Variants in APEX1 observed in about 807,000 individuals in gnomAD.
The protein encoded by APEX1 is DNA repair nuclease/redox regulator APEX1.
In APEX1, 32 loss-of-function variants were observed where a neutral mutation model predicts 33.2. That is an observed-to-expected ratio of 0.96 (90% CI 0.73 to 1.29). The LOEUF is 1.29. APEX1 is among the 50% of genes most tolerant of loss of function. APEX1 has a pLI of 0.00. For synonymous variants in APEX1, 175 were observed against 156.6 expected, an observed-to-expected ratio of 1.12 and a Z score of -0.88; for missense variants, 442 against 395.6, an observed-to-expected ratio of 1.12 and a Z score of -0.99.
chr14:20,456,243 A>C (rs191119659), intron 3 of APEX1, 142 bp downstream of exon 3: 1 of 944,660 alleles, frequency 1.1e-6, no homozygotes, highest in African/African-American at 1.7e-5. Flanking sequence ...CAGTCTTGCC[A>C]GTTGTATTTC....
Position 20,456,782 on chromosome 14 carries a change from G to T in APEX1, c.361G>T (p.Ala121Ser), listed in dbSNP as rs371585266. 1.9e-6 allele frequency: 3 copies of T among 1,614,216 alleles called. No individual in the cohort carries two copies. Among genetic ancestry groups the T allele is most frequent in the African/African-American group, 2.7e-5 (2 of 75,060 alleles). Residue 121 changes from alanine to serine, a missense_variant, in exon 4 of 5, where the codon GCT becomes TCT. Coordinates refer to ENST00000216714, the MANE Select transcript of APEX1 (RefSeq NM_001641.4). ...TGGACTCTCTCATCAATACTGGTCA[G>T]CTCCTTCGGACAAGGAAGGGTACAG... is the stretch of plus-strand genomic sequence containing the variant. The part of the protein sequence containing the change: ...LPGLSHQYWS[A>S]PSDKEGYSGV...
At position 20,457,568 on chromosome 14, in the gene APEX1, T is replaced by G; in HGVS notation, c.*60T>G. 1.9e-6 allele frequency: 3 copies of G among 1,573,042 alleles called. No individual in the cohort carries two copies. In the South Asian group the frequency reaches 3.3e-5, roughly 17 times the overall value. ...AGCCCCCTCAACTACCATTCCTTCT[T>G]TAAACACTCTTCAGAGAAATCTGCA... is the stretch of plus-strand genomic sequence containing the variant. On this transcript the variant is annotated 3_prime_UTR_variant, in exon 5 of 5. Coordinates refer to ENST00000216714, the MANE Select transcript of APEX1 (RefSeq NM_001641.4).
At position 20,456,943 on chromosome 14, in the gene APEX1, T is replaced by C. The variant is rs146899551; in HGVS notation, c.440-48T>C. ...ATCTCTGCCCCACCTCTTGATTGCT[T>C]TCCCTTTTCTTATAGTTTTTTATGC... On this transcript the variant is annotated intron_variant, in intron 4 of 4. Coordinates refer to ENST00000216714, the MANE Select transcript of APEX1 (RefSeq NM_001641.4). The C allele has an allele frequency of 1.3e-5, 21 of 1,605,336 alleles. No homozygotes were observed. The African/African-American group carries it at 2.5e-4, about 19-fold the overall frequency.
In APEX1 at chr14:20,457,461, G is replaced by C; in HGVS notation, c.910G>C (p.Ala304Pro). 1 of 1,614,126 alleles carries C rather than the reference G, an allele frequency of 6.2e-7. No individual in the cohort carries two copies. Among genetic ancestry groups the C allele is most frequent in the African/African-American group, 1.3e-5 (1 of 75,020 alleles). ...ALCDSKIRSK[A>P]LGSDHCPITL... is the part of the protein sequence containing the mutation. ...GTGTGACAGCAAGATCCGTTCCAAGGCCCTCGGCAGTGATCACTGTCCTAT... is the reference window on the plus strand; with the variant it reads ...GTGTGACAGCAAGATCCGTTCCAAGCCCCTCGGCAGTGATCACTGTCCTAT... Residue 304 changes from alanine to proline, a missense_variant, in exon 5 of 5, where the codon GCC (alanine) becomes CCC (proline). Transcript: ENST00000216714.
chr14:20,456,858 T>C lies in APEX1; in HGVS notation c.437T>C (p.Ile146Thr). 2 of 1,613,826 alleles carry C rather than the reference T, an allele frequency of 1.2e-6. No homozygotes were observed. Among genetic ancestry groups the C allele is most frequent in the South Asian group, 1.1e-5 (1 of 91,012 alleles). The change falls in exon 4 of 5, where the codon ATA (isoleucine) becomes ACA (threonine). Residue 146 changes from isoleucine to threonine, a missense_variant and splice_region_variant. Ile to Thr is a moderately conservative substitution (Grantham distance 89). Coordinates refer to ENST00000216714, the MANE Select transcript of APEX1 (RefSeq NM_001641.4). The stretch of plus-strand genomic sequence containing the variant: ...TGCCCACTCAAAGTTTCTTACGGCA[T>C]AGGTGAGACCCTATTGATGCCTAAT... ...RQCPLKVSYG[I>T]GDEEHDQEGR...
chr14:20,455,999 C>A lies in APEX1; in HGVS notation c.144C>A (p.Pro48=). The A allele has an allele frequency of 6.2e-7, 1 of 1,614,156 alleles. No individual in the cohort carries two copies. Among genetic ancestry groups the A allele is most frequent in the Non-Finnish European group, 8.5e-7 (1 of 1,180,038 alleles). ...AGGGCCCAGCCCTGTATGAGGACCCCCCAGATCAGAAAACCTCACCCAGTG... is the reference window on the plus strand; with the variant it reads ...AGGGCCCAGCCCTGTATGAGGACCCACCAGATCAGAAAACCTCACCCAGTG... ...AGEGPALYED[P]PDQKTSPSGK... The change falls in exon 3 of 5, where the codon CCC becomes CCA. Residue 48 remains proline (P), a synonymous_variant. Coordinates refer to ENST00000216714, the MANE Select transcript of APEX1 (RefSeq NM_001641.4).
At position 20,456,981 on chromosome 14, in the gene APEX1, A is replaced by G. The variant is rs1369255035; in HGVS notation, c.440-10A>G. On this transcript the variant is annotated splice_polypyrimidine_tract_variant and intron_variant, in intron 4 of 4. Transcript: ENST00000216714. ...TAGTTTTTTATGCTAATTCTGTTTC[A>G]TTTCTATAGGCGATGAGGAGCATGA... is the stretch of plus-strand genomic sequence containing the variant. 2 of 1,612,906 alleles carry G rather than the reference A, an allele frequency of 1.2e-6. No individual in the cohort carries two copies. Among genetic ancestry groups the G allele is most frequent in the South Asian group, 2.2e-5 (2 of 90,938 alleles).
rs1491542509 is a variant in APEX1 at position 20,457,644 on chromosome 14, TAG to T, written c.*139_*140del. ...GAATCCTCCAACCAGGCTCCTGTGATAGAGTTCTTTTAAGCCCAAGATTTTTT... is the reference window on the plus strand; with the variant it reads ...GAATCCTCCAACCAGGCTCCTGTGATAGTTCTTTTAAGCCCAAGATTTTTT... On this transcript the variant is annotated 3_prime_UTR_variant, in exon 5 of 5. Coordinates refer to ENST00000216714, the MANE Select transcript of APEX1 (RefSeq NM_001641.4). 4.6e-6 allele frequency: 6 copies of T among 1,295,412 alleles called. No individual in the cohort carries two copies. The highest frequency in any genetic ancestry group is 6.6e-6 in the Non-Finnish European group (6 of 914,806). 80.2% of individuals were successfully genotyped at this position (1,295,412 alleles called of 1,614,324 possible).
At chr14:20,456,146 G>A (rs753840156) in intron 3 of APEX1, 45 bp downstream of exon 3, 2 of 1,600,986 alleles carry the variant, frequency 1.2e-6, no homozygotes, top group South Asian at 1.1e-5. Context: ...GTATTGAATG[G>A]TCTTAGGGTT....
At position 20,456,977 on chromosome 14, in the gene APEX1, T is replaced by C; in HGVS notation, c.440-14T>C. The C allele has an allele frequency of 6.2e-7, 1 of 1,612,822 alleles. No individual in the cohort carries two copies. Among genetic ancestry groups the C allele is most frequent in the Non-Finnish European group, 8.5e-7 (1 of 1,179,218 alleles). On this transcript the variant is annotated splice_polypyrimidine_tract_variant and intron_variant, in intron 4 of 4. Transcript: ENST00000216714. ...CTTATAGTTTTTTATGCTAATTCTGTTTCATTTCTATAGGCGATGAGGAGC... is the reference window on the plus strand; with the variant it reads ...CTTATAGTTTTTTATGCTAATTCTGCTTCATTTCTATAGGCGATGAGGAGC...
Position 20,455,914 on chromosome 14 carries a change from A to G in APEX1, c.59A>G (p.Glu20Gly), listed in dbSNP as rs958664329. 3 of 1,613,986 alleles carry G rather than the reference A, an allele frequency of 1.9e-6. No homozygotes were observed. The African/African-American group carries it at 4.0e-5, about 22-fold the overall frequency. The stretch of plus-strand genomic sequence containing the variant: ...TCAGTATATATTACTCATTTTATAG[A>G]GCCAGAGGCCAAGAAGAGTAAGACG... ...VAEDGDELRT[E>G]PEAKKSKTAA... Residue 20 changes from glutamate (E) to glycine (G), a missense_variant and splice_region_variant, in exon 3 of 5, where the codon GAG becomes GGG. Transcript: ENST00000216714.
In APEX1 at chr14:20,455,978, C is replaced by T. The variant is rs748126440; in HGVS notation, c.123C>T (p.Gly41=). The change falls in exon 3 of 5, where the codon GGC becomes GGT. Residue 41 remains glycine (G), a synonymous_variant. Transcript: ENST00000216714. ...KKNDKEAAGE[G]PALYEDPPDQ... is the part of the protein sequence containing the mutation. ...ATGACAAAGAGGCAGCAGGAGAGGG[C>T]CCAGCCCTGTATGAGGACCCCCCAG... 2.5e-6 allele frequency: 4 copies of T among 1,613,974 alleles called. No individual in the cohort carries two copies. The highest frequency in any genetic ancestry group is 2.2e-5 in the East Asian group (1 of 44,896).
intron 3 of APEX1, among the ~76,000 whole-genome samples, 157 bp from the exon 4 acceptor site, chr14:20,456,507 TTATC>T (rs1881366622): frequency 6.6e-6 from 1 of 152,264 alleles, no homozygotes; most frequent in Admixed American, 6.5e-5. Context: ...TTGTTTTCAT[TTATC>T]TAGCTTAGAA....
rs753201737 is a variant in APEX1 at position 20,455,770 on chromosome 14, T to A, written c.58+67T>A. ...GGGGGTGTTTGTCATTCCCTTGATGTACGGTAAGTACGGGCCGACTCATTT... is the reference window on the plus strand; with the variant it reads ...GGGGGTGTTTGTCATTCCCTTGATGAACGGTAAGTACGGGCCGACTCATTT... On this transcript the variant is annotated intron_variant, in intron 2 of 4. Coordinates refer to ENST00000216714, the MANE Select transcript of APEX1 (RefSeq NM_001641.4). 118 of 1,613,984 alleles carry A rather than the reference T, an allele frequency of 7.3e-5. 2 individuals are homozygous for A. In the South Asian group the frequency reaches 1.3e-3, roughly 18 times the overall value.
intron 4 of APEX1, 43 bp downstream of exon 4, chr14:20,456,903 AATTGCTAATTCTC>A (rs1881403178): frequency 1.2e-6 from 2 of 1,606,318 alleles, no homozygotes. Flanking sequence ...CTTCAAAACC[AATTGCTAATTCTC>A]TATCTCTGCC....
In APEX1 at chr14:20,457,414, C is replaced by T. The variant is rs754583946; in HGVS notation, c.863C>T (p.Ser288Phe). 28 of 1,614,162 alleles carry T rather than the reference C, an allele frequency of 1.7e-5. No individual in the cohort carries two copies. The South Asian group carries it at 2.1e-4, about 12-fold the overall frequency. The change falls in exon 5 of 5, where the codon TCC (serine) becomes TTC (phenylalanine). Residue 288 changes from serine (S) to phenylalanine (F), a missense_variant. Physicochemically the swap from Ser to Phe is radical, Grantham distance 155 (BLOSUM62 -2). Transcript: ENST00000216714. ...VGWRLDYFLL[S>F]HSLLPALCDS... ...TGGCGCCTTGATTACTTTTTGTTGT[C>T]CCACTCTCTGTTACCTGCATTGTGT...
At chr14:20,456,219 C>T (rs1400892049) in intron 3 of APEX1, 118 bp downstream of exon 3, 1 of 1,148,036 alleles carries the variant, frequency 8.7e-7, no homozygotes, top group Non-Finnish European at 1.3e-6. Flanking sequence ...CCGTAGTTTT[C>T]TGTGGGGCTT....
At chr14:20,455,425 G>T in intron 1 of APEX1, 31 bp downstream of exon 1, 1 of 674,214 alleles carries the variant, frequency 1.5e-6, no homozygotes. Context: ...ATCTAGTTTC[G>T]TGGGTGAGGG....
In APEX1 at chr14:20,457,186, A is replaced by C; in HGVS notation, c.635A>C (p.Asn212Thr). The C allele has an allele frequency of 6.2e-7, 1 of 1,614,210 alleles. No homozygotes were observed. Among genetic ancestry groups the C allele is most frequent in the Non-Finnish European group, 8.5e-7 (1 of 1,180,036 alleles). Reference protein sequence around the residue: ...RKPLVLCGDLNVAHEEIDLRN... With the variant: ...RKPLVLCGDLTVAHEEIDLRN... The stretch of plus-strand genomic sequence containing the variant: ...CCCCTTGTGCTGTGTGGAGACCTCA[A>C]TGTGGCACATGAAGAAATTGACCTT... The change falls in exon 5 of 5, where the codon AAT becomes ACT. Residue 212 changes from asparagine (N) to threonine (T), a missense_variant. Transcript: ENST00000216714.
Sources: gnomAD v4.1 joint callset for allele counts (sites outside exome capture counted in the v4.1 genomes callset) on GRCh38, gnomAD v4.1.1 for gene constraint, MANE v1.5 for transcripts, NCBI Gene and HGNC (gene_info 2026-07-23, HGNC 2026-07-21) for gene names.